TMEM242: variants seen among roughly 807,000 people sequenced by gnomAD.
The protein encoded by TMEM242 is UPF0463 transmembrane protein C6orf35.
Under a neutral mutation model 18.2 loss-of-function variants are expected in TMEM242, and 10 were observed. The observed-to-expected ratio is 0.55, with a 90% CI of 0.34 to 0.93. TMEM242 has a LOEUF of 0.93. Ranked by LOEUF, TMEM242 falls within the 40% of genes least tolerant of loss-of-function variation. The pLI is 0.02. For synonymous variants in TMEM242, 57 were observed against 69.9 expected, an observed-to-expected ratio of 0.81 and a Z score of 0.92; for missense variants, 186 against 175.5, an observed-to-expected ratio of 1.06 and a Z score of -0.34.
chr6:157,310,092 G>A (rs1458723922), intron 3 of TMEM242, among the ~76,000 whole-genome samples: 2 of 152,176 alleles, frequency 1.3e-5, no homozygotes, highest in African/African-American at 2.4e-5. Flanking sequence ...CTTCTAAGGG[G>A]AGGAAAAAAC....
In TMEM242 at chr6:157,323,416, A is replaced by T; in HGVS notation, c.84T>A (p.Val28=). The part of the protein sequence containing the change: ...PGSTNDRLFL[V]KGGIFLGTVA... ...CCTCACCACAGCACATCTTACCTTT[A>T]ACCAGGAAAAGCCGGTCATTCGTGG... The change falls in exon 1 of 4, where the codon GTT becomes GTA. Residue 28 remains valine, a synonymous_variant. Coordinates refer to ENST00000400788, the MANE Select transcript of TMEM242 (RefSeq NM_018452.6). 6.2e-7 allele frequency: 1 copy of T among 1,614,076 alleles called. No homozygotes were observed. Among genetic ancestry groups the T allele is most frequent in the Non-Finnish European group, 8.5e-7 (1 of 1,179,958 alleles).
At chr6:157,311,527 A>T (rs375122408) in intron 3 of TMEM242, among the ~76,000 whole-genome samples, 1 of 1,854 alleles carries the variant, frequency 5.4e-4, no homozygotes, top group Non-Finnish European at 1.1e-3. Context: ...TGTGCACTCA[A>T]CCGGCCTCAT....
rs1005476240 is a variant in TMEM242 at position 157,291,350 on chromosome 6, G to A, written c.*1551C>T. ...AGTGCATCGTTGTAACAAGGTTTGA[G>A]GGCCATCTCATGCACGTTGGAAACC... is the stretch of plus-strand genomic sequence containing the variant. On this transcript the variant is annotated 3_prime_UTR_variant, in exon 4 of 4. Coordinates refer to ENST00000400788, the MANE Select transcript of TMEM242 (RefSeq NM_018452.6). The A allele has an allele frequency of 1.3e-5, 2 of 152,226 alleles. No homozygotes were observed. Among genetic ancestry groups the A allele is most frequent in the Non-Finnish European group, 2.9e-5 (2 of 68,050 alleles). The allele number at this position is 152,226 out of a possible 1,614,324, so 9.4% of individuals were successfully genotyped here.
chr6:157,313,113 T>C (rs79138449), intron 3 of TMEM242, among the ~76,000 whole-genome samples: 626 of 5,178 alleles, frequency 0.12, 4 homozygotes, highest in East Asian at 0.14. Flanking sequence ...TCCCAGTGTG[T>C]GCTCACCCGG....
At chr6:157,295,286 T>A (rs1777736703) in intron 3 of TMEM242, among the ~76,000 whole-genome samples, 1 of 152,192 alleles carries the variant, frequency 6.6e-6, no homozygotes, top group South Asian at 2.1e-4. Context: ...CCCCACTCCC[T>A]CTTCCATAAA....
chr6:157,311,215 C>T (rs1417390908), intron 3 of TMEM242, among the ~76,000 whole-genome samples: 96 of 107,856 alleles, frequency 8.9e-4, no homozygotes, highest in African/African-American at 3.3e-3. Flanking sequence ...TCCGACTGTG[C>T]GCTCACCTAG....
In TMEM242 at chr6:157,318,809, T is replaced by A. The variant is rs1778448367; in HGVS notation, c.300A>T (p.Ala100=). The change falls in exon 3 of 4, where the codon GCA becomes GCT. Residue 100 remains alanine, a synonymous_variant. Transcript: ENST00000400788. ...AWCGVGVISF[A]VWKALGVHSM... Reference sequence around the variant, plus strand: ...TGTGAACTCCTAAAGCTTTCCAGACTGCGAAGCTAATCACACCAACCCCAC... The same window carrying A: ...TGTGAACTCCTAAAGCTTTCCAGACAGCGAAGCTAATCACACCAACCCCAC... The A allele has an allele frequency of 9.9e-6, 16 of 1,614,082 alleles. No individual in the cohort carries two copies. The highest frequency in any genetic ancestry group is 1.4e-5 in the Non-Finnish European group (16 of 1,180,024).
At chr6:157,309,068 A>G (rs896782985) in intron 3 of TMEM242, among the ~76,000 whole-genome samples, 1 of 152,198 alleles carries the variant, frequency 6.6e-6, no homozygotes, top group African/African-American at 2.4e-5. Context: ...TATAGTGATT[A>G]AAAGTGATGG....
chr6:157,306,435 C>A (rs1409420994), intron 3 of TMEM242, among the ~76,000 whole-genome samples: 2 of 152,162 alleles, frequency 1.3e-5, no homozygotes, highest in Non-Finnish European at 2.9e-5. Flanking sequence ...TCAGGAATGG[C>A]CACCTGGCTT....
intron 3 of TMEM242, among the ~76,000 whole-genome samples, chr6:157,307,190 G>A (rs1448837981): frequency 1.3e-5 from 2 of 152,164 alleles, no homozygotes; most frequent in Non-Finnish European, 2.9e-5. Flanking sequence ...GCTCATGTGT[G>A]CCCAATTTTC....
chr6:157,320,994 A>ATTTCTTTTTTTTTT (rs781790356), intron 2 of TMEM242, among the ~76,000 whole-genome samples: 1 of 134,528 alleles, frequency 7.4e-6, no homozygotes, highest in Non-Finnish European at 1.6e-5. Flanking sequence ...TTTATTTCCC[A>ATTTCTTTTTTTTTT]TTTCTTTTTT....
rs781859465 is a variant in TMEM242 at position 157,292,918 on chromosome 6, T to C, written c.409A>G (p.Thr137Ala). The C allele has an allele frequency of 6.2e-7, 1 of 1,613,286 alleles. No individual in the cohort carries two copies. Among genetic ancestry groups the C allele is most frequent in the African/African-American group, 1.3e-5 (1 of 75,056 alleles). ...NSESAVEWEE[T>A]LKSK ...TGCTCATCTCATTTGGATTTCAATG[T>C]TTCCTCCCACTCAACAGCCGATTCG... The change falls in exon 4 of 4, where the codon ACA (threonine) becomes GCA (alanine). Residue 137 changes from threonine to alanine, a missense_variant. Coordinates refer to ENST00000400788, the MANE Select transcript of TMEM242 (RefSeq NM_018452.6).
At chr6:157,295,732 A>G (rs913749183) in intron 3 of TMEM242, among the ~76,000 whole-genome samples, 16 of 152,224 alleles carry the variant, frequency 1.1e-4, no homozygotes, top group Admixed American at 8.5e-4. Flanking sequence ...AACTGAATCA[A>G]TAGAAGCACT....
At chr6:157,293,046 A>G in intron 3 of TMEM242, 47 bp from the exon 4 acceptor site, 1 of 1,462,188 alleles carries the variant, frequency 6.8e-7, no homozygotes, top group Non-Finnish European at 9.6e-7. Flanking sequence ...AAGAAGGAGA[A>G]AAACAGCTAT....
chr6:157,310,550 A>T (rs1777998353), intron 3 of TMEM242, among the ~76,000 whole-genome samples: 1 of 149,854 alleles, frequency 6.7e-6, no homozygotes, highest in Non-Finnish European at 1.5e-5. Flanking sequence ...GTGTGCGCTC[A>T]CCTAGCCTCA....
At chr6:157,320,951 C>A (rs1426248265) in intron 2 of TMEM242, among the ~76,000 whole-genome samples, 1 of 151,426 alleles carries the variant, frequency 6.6e-6, no homozygotes, top group Non-Finnish European at 1.5e-5. Context: ...AGAAAAAATC[C>A]TACTTCAGTA....
At chr6:157,312,839 T>G in intron 3 of TMEM242, among the ~76,000 whole-genome samples, 1 of 151,840 alleles carries the variant, frequency 6.6e-6, no homozygotes, top group South Asian at 2.1e-4. Flanking sequence ...TGCCACAGTG[T>G]GCACTCACCT....
intron 3 of TMEM242, among the ~76,000 whole-genome samples, chr6:157,316,508 C>T (rs1425246461): frequency 6.6e-6 from 1 of 152,170 alleles, no homozygotes; most frequent in Non-Finnish European, 1.5e-5. Flanking sequence ...TCTTCAGTCA[C>T]AGGTTTTCTG....
chr6:157,312,357 G>GTGCCCCAGTGTGCGC (rs1778175527), intron 3 of TMEM242, among the ~76,000 whole-genome samples: 5 of 38,832 alleles, frequency 1.3e-4, no homozygotes, highest in African/African-American at 4.0e-4. Flanking sequence ...GCCTCATCAT[G>GTGCCCCAGTGTGCGC]TCCCAGTGTG....
Sources: gnomAD v4.1 joint callset for allele counts (sites outside exome capture counted in the v4.1 genomes callset) on GRCh38, gnomAD v4.1.1 for gene constraint, MANE v1.5 for transcripts, NCBI Gene and HGNC (gene_info 2026-07-23, HGNC 2026-07-21) for gene names.